Variants in DUSP5 observed in about 807,000 individuals in gnomAD.
DUSP5 encodes the protein dual specificity protein phosphatase 5.
Under a neutral mutation model 33.6 loss-of-function variants are expected in DUSP5, and 22 were observed. The ratio of observed to expected loss-of-function variants is 0.66; its 90% CI spans 0.47 to 0.94. The LOEUF (loss-of-function observed/expected upper bound fraction) is 0.94. Ranked by LOEUF, DUSP5 falls within the 40% of genes least tolerant of loss-of-function variation. The pLI is 0.00. For missense variants in DUSP5, 551 were observed against 522.1 expected (o/e 1.06, Z -0.54); for synonymous variants, 270 against 231.1 (o/e 1.17, Z -1.53).
rs1214830993 is a variant in DUSP5, at chr10:110,507,075, A to G, written c.669A>G (p.Leu223=). 6 of 1,614,076 alleles carry G rather than the reference A, an allele frequency of 3.7e-6. No individual in the cohort carries two copies. The highest frequency in any genetic ancestry group is 5.1e-6 in the Non-Finnish European group (6 of 1,180,034). Residue 223 remains leucine, a synonymous_variant, in exon 3 of 4, where the codon CTA becomes CTG. Transcript: ENST00000369583. ...CCTCCGAGGCCTGCGCGACCCACCT[A>G]CACTACAAATGGATCCCTGTGGAAG... The part of the protein sequence containing the change: ...RRTSEACATH[L]HYKWIPVEDS...
chr10:110,504,606 T>G (rs938290828), intron 2 of DUSP5, among the ~76,000 whole-genome samples: 9 of 152,186 alleles, frequency 5.9e-5, no homozygotes, highest in African/African-American at 2.2e-4. Flanking sequence ...AATCTGGACT[T>G]GGAACTCTGA....
At chr10:110,505,646 A>G (rs1258400863) in intron 2 of DUSP5, among the ~76,000 whole-genome samples, 1 of 152,194 alleles carries the variant, frequency 6.6e-6, no homozygotes, top group Non-Finnish European at 1.5e-5. Context: ...AAATGGAAAC[A>G]CAGGAAGCAG....
chr10:110,498,193 G>A lies in DUSP5; in HGVS notation c.72G>A (p.Val24=), dbSNP rs764415735. The part of the protein sequence containing the change: ...MLRKEAAARC[V]VLDCRPYLAF... Reference sequence around the variant, plus strand: ...GCAAGGAGGCGGCGGCGCGCTGCGTGGTGCTCGACTGCCGGCCCTATCTGG... The same window carrying A: ...GCAAGGAGGCGGCGGCGCGCTGCGTAGTGCTCGACTGCCGGCCCTATCTGG... The change falls in exon 1 of 4, where the codon GTG becomes GTA. Residue 24 remains valine, a synonymous_variant. Transcript: ENST00000369583. 9 of 1,501,708 alleles carry A rather than the reference G, an allele frequency of 6.0e-6. No individual in the cohort carries two copies. The highest frequency in any genetic ancestry group is 1.2e-5 in the South Asian group (1 of 84,814). The allele number at this position is 1,501,708 out of a possible 1,614,324, so 93.0% of individuals were successfully genotyped here.
Position 110,498,024 on chromosome 10 carries a change from C to T in DUSP5, c.-98C>T. ...CGGCCGCAGCCCCGCGGGTCGCCCTCCCGTGCCTCGCCCGCGGACACCCTG... is the reference window on the plus strand; with the variant it reads ...CGGCCGCAGCCCCGCGGGTCGCCCTTCCGTGCCTCGCCCGCGGACACCCTG... On this transcript the variant is annotated 5_prime_UTR_variant, in exon 1 of 4. Transcript: ENST00000369583. 1.0e-6 allele frequency: 1 copy of T among 995,588 alleles called. No homozygotes were observed. Among genetic ancestry groups the T allele is most frequent in the Non-Finnish European group, 1.2e-6 (1 of 832,660 alleles). 61.7% of individuals were successfully genotyped at this position (995,588 alleles called of 1,614,324 possible).
At chr10:110,507,226 C>G (rs370551162) in intron 3 of DUSP5, 72 bp downstream of exon 3, 23 of 1,441,886 alleles carry the variant, frequency 1.6e-5, no homozygotes, top group South Asian at 1.5e-4. Flanking sequence ...TTTTGATGCC[C>G]TGATGGAAGC....
rs1336880561 is a variant in DUSP5, at chr10:110,498,568, C to T, written c.379+68C>T. 6.6e-6 allele frequency: 9 copies of T among 1,364,908 alleles called. No homozygotes were observed. In the East Asian group the frequency reaches 9.2e-5, roughly 14 times the overall value. The allele number at this position is 1,364,908 out of a possible 1,614,324, so 84.5% of individuals were successfully genotyped here. ...CCCGGGTCCCCTCCCTGCGCCGGGG[C>T]GCCCTCCTACACCCTGGGACCGGGA... On this transcript the variant is annotated intron_variant, in intron 1 of 3. Coordinates refer to ENST00000369583, the MANE Select transcript of DUSP5 (RefSeq NM_004419.4).
chr10:110,502,581 T>C (rs1860066988), intron 1 of DUSP5, 140 bp from the exon 2 acceptor site: 1 of 1,019,462 alleles, frequency 9.8e-7, no homozygotes, highest in Non-Finnish European at 1.4e-6. Context: ...TTTGCTCAAT[T>C]TTTAATGACC....
At chr10:110,502,699 A>G (rs759532499) in intron 1 of DUSP5, 22 bp from the exon 2 acceptor site, 5 of 1,610,092 alleles carry the variant, frequency 3.1e-6, no homozygotes, top group Non-Finnish European at 4.2e-6. Flanking sequence ...CATCTGTCTC[A>G]CCTTTTTGTT....
In DUSP5 at chr10:110,502,820, A is replaced by G. The variant is rs780470968; in HGVS notation, c.479A>G (p.Gln160Arg). ...KIESERALIS[Q>R]CGKPVVNVSY... is the part of the protein sequence containing the mutation. ...GAGAGTGAGAGAGCCCTCATCAGCC[A>G]GTGTGGAAAACCAGTGGTAAATGTC... Residue 160 changes from glutamine to arginine, a missense_variant, in exon 2 of 4, where the codon CAG (glutamine) becomes CGG (arginine). This residue lies in a region of DUSP5 where 381 missense variants were observed against 310.4 expected (regional missense o/e 1.23). Coordinates refer to ENST00000369583, the MANE Select transcript of DUSP5 (RefSeq NM_004419.4). 177 of 1,614,108 alleles carry G rather than the reference A, an allele frequency of 1.1e-4. No individual in the cohort carries two copies. Among genetic ancestry groups the G allele is most frequent in the Non-Finnish European group, 8.4e-5 (99 of 1,180,052 alleles).
Position 110,498,202 on chromosome 10 carries a change from C to T in DUSP5, c.81C>T (p.Asp27=). ...KEAAARCVVL[D]CRPYLAFAAS... is the part of the protein sequence containing the mutation. Reference sequence around the variant, plus strand: ...CGGCGGCGCGCTGCGTGGTGCTCGACTGCCGGCCCTATCTGGCCTTCGCTG... The same window carrying T: ...CGGCGGCGCGCTGCGTGGTGCTCGATTGCCGGCCCTATCTGGCCTTCGCTG... Residue 27 remains aspartate, a synonymous_variant, in exon 1 of 4, where the codon GAC becomes GAT. Transcript: ENST00000369583. 1.3e-6 allele frequency: 2 copies of T among 1,507,496 alleles called. No homozygotes were observed. The highest frequency in any genetic ancestry group is 1.8e-6 in the Non-Finnish European group (2 of 1,127,700). The allele number at this position is 1,507,496 out of a possible 1,614,324, so 93.4% of individuals were successfully genotyped here.
At chr10:110,500,932 C>T (rs1860039431) in intron 1 of DUSP5, among the ~76,000 whole-genome samples, 1 of 152,210 alleles carries the variant, frequency 6.6e-6, no homozygotes, top group South Asian at 2.1e-4. Flanking sequence ...CACACCCGAA[C>T]CTCTTATCTG....
Position 110,510,608 on chromosome 10 carries a change from G to A in DUSP5, c.*182G>A. ...AGACGGACCTCAGGGTAGGTTCTCG[G>A]GACTGAAGGAAGGCCAAGCCATTAC... is the stretch of plus-strand genomic sequence containing the variant. On this transcript the variant is annotated 3_prime_UTR_variant, in exon 4 of 4. Transcript: ENST00000369583. The A allele has an allele frequency of 1.2e-6, 1 of 853,700 alleles. No individual in the cohort carries two copies. The highest frequency in any genetic ancestry group is 1.7e-6 in the Non-Finnish European group (1 of 577,092). 52.9% of individuals were successfully genotyped at this position (853,700 alleles called of 1,614,324 possible). A position where few individuals can be genotyped will look rare whatever the true frequency, so the allele number is the denominator to read the frequency against.
chr10:110,506,074 C>T (rs1860114974), intron 2 of DUSP5, among the ~76,000 whole-genome samples: 2 of 152,078 alleles, frequency 1.3e-5, no homozygotes, highest in African/African-American at 4.8e-5. Context: ...GGTGGAGGTG[C>T]ATTTTAACAT....
chr10:110,508,384 G>A (rs187904792), intron 3 of DUSP5, among the ~76,000 whole-genome samples: 95 of 152,080 alleles, frequency 6.2e-4, no homozygotes, highest in African/African-American at 1.9e-3. Context: ...CATGAAACAC[G>A]CCCCCATCCA....
At chr10:110,498,561 G>C in intron 1 of DUSP5, 61 bp downstream of exon 1, 1 of 1,369,656 alleles carries the variant, frequency 7.3e-7, no homozygotes, top group Non-Finnish European at 9.4e-7. Context: ...CCCTCCCTGC[G>C]CCGGGGCGCC....
At chr10:110,506,610 C>T (rs1342234121) in intron 2 of DUSP5, among the ~76,000 whole-genome samples, 1 of 152,162 alleles carries the variant, frequency 6.6e-6, no homozygotes, top group East Asian at 1.9e-4. Context: ...GTCAATTTTT[C>T]CCATATTACC....
intron 1 of DUSP5, among the ~76,000 whole-genome samples, chr10:110,502,285 C>T (rs915889108): frequency 1.3e-5 from 2 of 152,158 alleles, no homozygotes; most frequent in Non-Finnish European, 2.9e-5. Context: ...AGCTAGAATC[C>T]TGCTTAGAGC....
chr10:110,510,248 C>T lies in DUSP5; in HGVS notation c.977C>T (p.Pro326Leu), dbSNP rs768015125. ...EILPSTPNPQPPSCQGEAAGS... is the reference protein window; with the variant it reads ...EILPSTPNPQLPSCQGEAAGS... ...CTGCCCTCCACGCCCAACCCCCAGC[C>T]TCCCTCCTGCCAAGGGGAGGCAGCA... The change falls in exon 4 of 4, where the codon CCT (proline) becomes CTT (leucine). Residue 326 changes from proline to leucine, a missense_variant. Physicochemically the swap from Pro to Leu is moderately conservative, Grantham distance 98. This residue lies in a region of DUSP5 where 158 missense variants were observed against 181.8 expected (regional missense o/e 0.87). Coordinates refer to ENST00000369583, the MANE Select transcript of DUSP5 (RefSeq NM_004419.4). 1.2e-6 allele frequency: 2 copies of T among 1,614,146 alleles called. No homozygotes were observed. Among genetic ancestry groups the T allele is most frequent in the Admixed American group, 3.3e-5 (2 of 60,034 alleles).
Position 110,510,124 on chromosome 10 carries a change from C to T in DUSP5, c.853C>T (p.Arg285Cys), listed in dbSNP as rs1026457804. The part of the protein sequence containing the change: ...MAYLMKTKQF[R>C]LKEAFDYIKQ... ...TTACCTTATGAAGACCAAGCAGTTC[C>T]GCCTGAAGGAGGCCTTCGATTACAT... Residue 285 changes from arginine (R) to cysteine (C), a missense_variant, in exon 4 of 4, where the codon CGC (arginine) becomes TGC (cysteine). Transcript: ENST00000369583. 4.3e-6 allele frequency: 7 copies of T among 1,614,056 alleles called. No homozygotes were observed. In the South Asian group the frequency reaches 4.4e-5, roughly 10 times the overall value.
Sources: gnomAD v4.1 joint callset for allele counts (sites outside exome capture counted in the v4.1 genomes callset) on GRCh38, gnomAD v4.1.1 for gene constraint, gnomAD v4.1.1 regional missense constraint, MANE v1.5 for transcripts, NCBI Gene and HGNC (gene_info 2026-07-23, HGNC 2026-07-21) for gene names.